Variants in RAP1A observed in about 807,000 individuals in gnomAD.
The protein encoded by RAP1A is ras-related protein Rap-1A.
A neutral mutation model predicts 26.4 loss-of-function variants in RAP1A; 6 were observed. The ratio of observed to expected loss-of-function variants is 0.23; its 90% CI spans 0.12 to 0.45. The LOEUF is 0.45. Among genes scored for constraint, RAP1A ranks in the 20% least tolerant of loss-of-function variants. The pLI is 0.99. For synonymous variants in RAP1A, 73 were observed against 79.4 expected, an observed-to-expected ratio of 0.92 and a Z score of 0.43; for missense variants, 121 against 217.2, an observed-to-expected ratio of 0.56 and a Z score of 2.78.
At chr1:111,550,231 C>G (rs991197919) in intron 1 of RAP1A, among the ~76,000 whole-genome samples, 4 of 152,112 alleles carry the variant, frequency 2.6e-5, no homozygotes, top group Non-Finnish European at 5.9e-5. Flanking sequence ...TTCTGGTCAG[C>G]ATGGATAAAG....
At chr1:111,542,200 C>A, upstream of RAP1A, 1 of 546,094 alleles carries the variant, frequency 1.8e-6, no homozygotes, top group South Asian at 1.4e-5. Context: ...TCGTTTAGAC[C>A]AGCTTAATGA....
intron 1 of RAP1A, among the ~76,000 whole-genome samples, chr1:111,661,910 T>A (rs1487210226): frequency 6.6e-6 from 1 of 152,042 alleles, no homozygotes; most frequent in Non-Finnish European, 1.5e-5. Flanking sequence ...ACCCTAGAAA[T>A]TCTGTTAGTC....
intron 1 of RAP1A, among the ~76,000 whole-genome samples, chr1:111,606,709 GTAA>G (rs1337956191): frequency 2.0e-5 from 3 of 152,332 alleles, no homozygotes; most frequent in Non-Finnish European, 4.4e-5. Flanking sequence ...ACCCTGATGT[GTAA>G]TAAATCTGTG....
chr1:111,677,210 A>G (rs1661155084), intron 1 of RAP1A, among the ~76,000 whole-genome samples: 1 of 152,206 alleles, frequency 6.6e-6, no homozygotes. Flanking sequence ...CCTTACATTC[A>G]TTACTGAGTA....
intron 1 of RAP1A, among the ~76,000 whole-genome samples, chr1:111,673,754 G>A (rs1157946771): frequency 1.3e-5 from 2 of 152,166 alleles, no homozygotes; most frequent in East Asian, 3.8e-4. Context: ...TTCTAACTTG[G>A]CAGTAATGAG....
intron 1 of RAP1A, among the ~76,000 whole-genome samples, chr1:111,689,703 T>C (rs1221996551): frequency 6.6e-6 from 1 of 152,150 alleles, no homozygotes; most frequent in African/African-American, 2.4e-5. Flanking sequence ...GCAGTCTCGC[T>C]CTGTCGCCCA....
intron 1 of RAP1A, among the ~76,000 whole-genome samples, chr1:111,678,610 A>G (rs1661199973): frequency 6.6e-6 from 1 of 152,202 alleles, no homozygotes; most frequent in Non-Finnish European, 1.5e-5. Context: ...TGTACAGAAT[A>G]CTGTAGGCAG....
At chr1:111,657,013 C>T (rs781215072) in intron 1 of RAP1A, among the ~76,000 whole-genome samples, 19 of 151,726 alleles carry the variant, frequency 1.3e-4, no homozygotes, top group Non-Finnish European at 2.2e-4. Flanking sequence ...CCCCCTTCTC[C>T]GCCCCCAACA....
chr1:111,648,417 T>C (rs1660146522), intron 1 of RAP1A: 3 of 599,742 alleles, frequency 5.0e-6, no homozygotes, highest in East Asian at 6.9e-5. Context: ...TTGAAGTCCT[T>C]GCCATCTTCC....
intron 1 of RAP1A, among the ~76,000 whole-genome samples, chr1:111,653,063 A>T (rs1039483640): frequency 2.0e-5 from 3 of 152,234 alleles, no homozygotes; most frequent in Non-Finnish European, 4.4e-5. Context: ...CATACAATGG[A>T]ATATGATTTA....
intron 1 of RAP1A, among the ~76,000 whole-genome samples, chr1:111,559,200 C>T (rs891483292): frequency 3.3e-5 from 5 of 152,028 alleles, no homozygotes; most frequent in African/African-American, 1.2e-4. Flanking sequence ...GAGGGAAATG[C>T]ACAGTCTTAA....
At chr1:111,680,722 T>A (rs1661263936) in intron 1 of RAP1A, 1 of 153,000 alleles carries the variant, frequency 6.5e-6, no homozygotes. Context: ...CCTCTGCTGG[T>A]GACACCCAGG....
chr1:111,631,903 T>TA (rs1659578679), intron 1 of RAP1A, among the ~76,000 whole-genome samples: 1 of 142,924 alleles, frequency 7.0e-6, no homozygotes, highest in African/African-American at 2.7e-5. Flanking sequence ...GTTTTTGGCT[T>TA]TAAAAAAAAA....
intron 1 of RAP1A, among the ~76,000 whole-genome samples, chr1:111,614,483 T>G (rs11102317): frequency 0.15 from 22,856 of 152,240 alleles, 1,828 homozygotes; most frequent in African/African-American, 0.2. Context: ...GTCCTAGAAG[T>G]GTCTATGCTT....
intron 1 of RAP1A, among the ~76,000 whole-genome samples, chr1:111,569,185 G>A (rs892261904): frequency 2.0e-5 from 3 of 151,892 alleles, no homozygotes; most frequent in South Asian, 4.1e-4. Context: ...GGCGGATCAC[G>A]AGGTCAAGAG....
chr1:111,608,320 G>C (rs1247652113), intron 1 of RAP1A: 1 of 162,288 alleles, frequency 6.2e-6, no homozygotes, highest in Non-Finnish European at 1.4e-5. Context: ...GGGCAGAGAC[G>C]CTCCTCACTT....
chr1:111,639,726 C>T (rs539421176), intron 1 of RAP1A, among the ~76,000 whole-genome samples: 137 of 152,262 alleles, frequency 9.0e-4, no homozygotes, highest in South Asian at 6.2e-4. Context: ...AAATGGTAGT[C>T]AGTACCCAGG....
At chr1:111,635,492 G>A (rs1659700673) in intron 1 of RAP1A, among the ~76,000 whole-genome samples, 1 of 152,180 alleles carries the variant, frequency 6.6e-6, no homozygotes, top group South Asian at 2.1e-4. Flanking sequence ...CATGCCTGAG[G>A]TACAAGAAGC....
intron 1 of RAP1A, among the ~76,000 whole-genome samples, chr1:111,550,470 T>C (rs552167041): frequency 6.6e-6 from 1 of 152,230 alleles, no homozygotes; most frequent in Non-Finnish European, 1.5e-5. Context: ...TTCAACTAAC[T>C]GTAAATTTCC....
Sources: gnomAD v4.1 joint callset for allele counts (sites outside exome capture counted in the v4.1 genomes callset) on GRCh38, gnomAD v4.1.1 for gene constraint, MANE v1.5 for transcripts, NCBI Gene and HGNC (gene_info 2026-07-23, HGNC 2026-07-21) for gene names.